Variants in CMYA5 observed in about 807,000 individuals in gnomAD.
The protein encoded by CMYA5 is cardiomyopathy-associated protein 5.
In CMYA5, 246 loss-of-function variants were observed where a neutral mutation model predicts 318.9. The ratio of observed to expected loss-of-function variants is 0.77; its 90% confidence interval spans 0.70 to 0.86. The LOEUF is 0.86. Among genes scored for constraint, CMYA5 ranks in the 40% least tolerant of loss-of-function variants. The pLI is 0.00. For synonymous variants in CMYA5, 1,641 were observed against 1,729.5 expected, an observed-to-expected ratio of 0.95 and a Z score of 1.27; for missense variants, 4,589 against 4,678.2, an observed-to-expected ratio of 0.98 and a Z score of 0.56.
At chr5:79,702,010 A>C (rs954266562) in intron 1 of CMYA5, among the ~76,000 whole-genome samples, 1 of 152,148 alleles carries the variant, frequency 6.6e-6, no homozygotes, top group African/African-American at 2.4e-5. Flanking sequence ...GCCTGTAGGC[A>C]GGAGAATGGC....
chr5:79,748,528 T>TCTAC (rs1367871936), intron 5 of CMYA5, among the ~76,000 whole-genome samples: 39 of 131,384 alleles, frequency 3.0e-4, no homozygotes, highest in African/African-American at 9.3e-4. Flanking sequence ...TACCTATCTA[T>TCTAC]CTATCTATCT....
chr5:79,714,431 CT>C (rs71615553), intron 1 of CMYA5, among the ~76,000 whole-genome samples: 99 of 100,698 alleles, frequency 9.8e-4, no homozygotes, highest in African/African-American at 1.9e-3. Flanking sequence ...TTTTCTTTTT[CT>C]TTTTTTTTTT....
At chr5:79,797,826 C>T (rs983641243) in intron 12 of CMYA5, among the ~76,000 whole-genome samples, 2 of 152,196 alleles carry the variant, frequency 1.3e-5, no homozygotes, top group African/African-American at 2.4e-5. Flanking sequence ...CTGCCACATA[C>T]GGACTTCTTC....
chr5:79,768,418 GT>G (rs34249551), intron 9 of CMYA5, among the ~76,000 whole-genome samples: 20,037 of 152,168 alleles, frequency 0.13, 1,342 homozygotes, highest in African/African-American at 0.16. Context: ...AATTTGGTAT[GT>G]TTTTGCTGTG....
At chr5:79,784,995 A>G (rs1470496478) in intron 9 of CMYA5, among the ~76,000 whole-genome samples, 1 of 151,140 alleles carries the variant, frequency 6.6e-6, no homozygotes, top group Non-Finnish European at 1.5e-5. Flanking sequence ...ATCTCAGTAG[A>G]TTGTGTGAAG....
At chr5:79,790,080 G>T (rs187728408) in intron 10 of CMYA5, among the ~76,000 whole-genome samples, 1 of 152,288 alleles carries the variant, frequency 6.6e-6, no homozygotes, top group East Asian at 1.9e-4. Context: ...TTGAGTGGGC[G>T]CAACAAGCGA....
Position 79,733,678 on chromosome 5 carries a change from G to A in CMYA5, c.4913G>A (p.Gly1638Glu), listed in dbSNP as rs376423382. Residue 1638 changes from glycine to glutamate, a missense_variant, in exon 2 of 13, where the codon GGG becomes GAG. Around this residue, in one of 3 missense-constraint regions of CMYA5, gnomAD observed 2,132 missense variants for 2,131.3 expected, o/e 1.00. Transcript: ENST00000446378. ...PHQPLELPNAGSEFSSDLGRQ... is the reference protein window; with the variant it reads ...PHQPLELPNAESEFSSDLGRQ... The stretch of plus-strand genomic sequence containing the variant: ...CAACCGTTGGAATTACCAAATGCTG[G>A]GTCAGAATTTTCTAGTGATTTAGGT... The A allele has an allele frequency of 3.0e-5, 48 of 1,613,656 alleles. No homozygotes were observed. The highest frequency in any genetic ancestry group is 4.0e-5 in the African/African-American group (3 of 74,864).
rs760888016 is a variant in CMYA5, at chr5:79,689,897, C to T, written c.-11C>T. On this transcript the variant is annotated 5_prime_UTR_variant, in exon 1 of 13. Transcript: ENST00000446378. The stretch of plus-strand genomic sequence containing the variant: ...TCCGGCTCCGGCCCCGGCCCAGGCC[C>T]GGGAGAGGCGATGGCGAGCCGCGAT... 2 of 763,260 alleles carry T rather than the reference C, an allele frequency of 2.6e-6. No individual in the cohort carries two copies. Among genetic ancestry groups the T allele is most frequent in the South Asian group, 1.5e-5 (1 of 67,644 alleles). 47.3% of individuals were successfully genotyped at this position (763,260 alleles called of 1,614,324 possible).
At chr5:79,778,823 G>GTGTGTGTA (rs1249996457) in intron 9 of CMYA5, among the ~76,000 whole-genome samples, 20 of 115,172 alleles carry the variant, frequency 1.7e-4, no homozygotes, top group East Asian at 4.6e-4. Context: ...GTGTGTGTGT[G>GTGTGTGTA]TGTGTGTGTG....
chr5:79,758,352 T>G (rs1658409684), intron 6 of CMYA5, among the ~76,000 whole-genome samples: 1 of 151,410 alleles, frequency 6.6e-6, no homozygotes, highest in Non-Finnish European at 1.5e-5. Flanking sequence ...GCCAAGGTGA[T>G]GAAACCCTAT....
At chr5:79,762,819 A>T (rs259127) in intron 8 of CMYA5, 91,936 of 456,528 alleles carry the variant, frequency 0.2, 10,031 homozygotes, top group East Asian at 0.36. Context: ...AGTGGGATTT[A>T]TAGGAAGCTA....
intron 1 of CMYA5, 54 bp from the exon 2 acceptor site, chr5:79,728,857 TATTA>T (rs1827803036): frequency 3.9e-6 from 3 of 768,458 alleles, no homozygotes; most frequent in Non-Finnish European, 5.3e-6. Flanking sequence ...TTACTTATTC[TATTA>T]ATTAGTATTA....
At chr5:79,789,347 C>T (rs1046894690) in intron 10 of CMYA5, among the ~76,000 whole-genome samples, 1 of 152,202 alleles carries the variant, frequency 6.6e-6, no homozygotes, top group Non-Finnish European at 1.5e-5. Context: ...TACTGTTTCC[C>T]TGCCTCCACT....
At chr5:79,691,468 G>C (rs1028308119) in intron 1 of CMYA5, among the ~76,000 whole-genome samples, 1 of 152,230 alleles carries the variant, frequency 6.6e-6, no homozygotes, top group Non-Finnish European at 1.5e-5. Context: ...AAAGGTCAAG[G>C]CCTTCAGAAA....
chr5:79,770,351 G>GA (rs371717250), intron 9 of CMYA5, among the ~76,000 whole-genome samples: 3 of 151,228 alleles, frequency 2.0e-5, no homozygotes, highest in South Asian at 2.1e-4. Context: ...ACTGGGTTAT[G>GA]AAAAAAAAAC....
At chr5:79,703,870 T>A (rs113361147) in intron 1 of CMYA5, among the ~76,000 whole-genome samples, 1 of 152,248 alleles carries the variant, frequency 6.6e-6, no homozygotes, top group Middle Eastern at 3.4e-3. Context: ...GCAGAAGGAT[T>A]GATTGAGCCC....
chr5:79,777,686 A>ATC (rs1204742768), intron 9 of CMYA5, among the ~76,000 whole-genome samples: 4 of 151,966 alleles, frequency 2.6e-5, no homozygotes, highest in Non-Finnish European at 5.9e-5. Flanking sequence ...GAGGCAGGAG[A>ATC]ATTGTTTGAA....
In CMYA5 at chr5:79,735,734, C is replaced by A. The variant is rs777639690; in HGVS notation, c.6969C>A (p.Ile2323=). The change falls in exon 2 of 13, where the codon ATC becomes ATA. Residue 2323 remains isoleucine (I), a synonymous_variant. Coordinates refer to ENST00000446378, the MANE Select transcript of CMYA5 (RefSeq NM_153610.5). ...ENLEIQSYSL[I]GEKLVMEEAK... is the part of the protein sequence containing the mutation. Reference sequence around the variant, plus strand: ...TTGAAATTCAATCTTATTCACTAATCGGTGAGAAATTGGTTATGGAAGAAG... The same window carrying A: ...TTGAAATTCAATCTTATTCACTAATAGGTGAGAAATTGGTTATGGAAGAAG... The A allele has an allele frequency of 1.3e-6, 2 of 1,595,464 alleles. No individual in the cohort carries two copies. The highest frequency in any genetic ancestry group is 1.2e-5 in the South Asian group (1 of 86,358).
intron 7 of CMYA5, 121 bp from the exon 8 acceptor site, chr5:79,761,690 T>C: frequency 5.1e-6 from 5 of 986,958 alleles, no homozygotes; most frequent in Non-Finnish European, 7.3e-6. Flanking sequence ...CATAATGGTA[T>C]CTGTAAGGTT....
Sources: allele counts gnomAD v4.1 joint callset (sites outside exome capture counted in the v4.1 genomes callset), GRCh38; gene constraint gnomAD v4.1.1; regional missense constraint gnomAD v4.1.1; transcripts MANE v1.5; gene names NCBI Gene and HGNC (gene_info 2026-07-23, HGNC 2026-07-21).